Variants in PTPRF observed in about 807,000 individuals in gnomAD.
PTPRF encodes receptor-type tyrosine-protein phosphatase F.
PTPRF carries 59 observed loss-of-function variants against 201.8 expected under a neutral mutation model. The ratio of observed to expected loss-of-function variants is 0.29; its 90% CI spans 0.24 to 0.36. The LOEUF (loss-of-function observed/expected upper bound fraction) is 0.36. PTPRF is among the 10% of genes least tolerant of loss of function. The probability of loss-of-function intolerance (pLI) is 1.00; values close to 1 mark genes in which losing one functional copy is unlikely to be tolerated. For synonymous variants in PTPRF, 1,088 were observed against 1,089.7 expected (o/e 1.00, Z 0.03); for missense variants, 2,132 against 2,690.5 (o/e 0.79, Z 4.59).
At chr1:43,615,224 C>T (rs190141364) in intron 23 of PTPRF, among the ~76,000 whole-genome samples, 2 of 152,362 alleles carry the variant, frequency 1.3e-5, no homozygotes, top group African/African-American at 2.4e-5. Flanking sequence ...CGTGCTGCCT[C>T]TGCCTATAGG....
Position 43,578,792 on chromosome 1 carries a change from C to T in PTPRF, c.569-18C>T, listed in dbSNP as rs548957191. ...TCGACATGGGCCGTGCCTGACCTCT[C>T]GCTTCGTGTACCCACAGGTGCCTTG... On this transcript the variant is annotated intron_variant, in intron 6 of 33. Coordinates refer to ENST00000359947, the MANE Select transcript of PTPRF (RefSeq NM_002840.5). 7 of 1,598,758 alleles carry T rather than the reference C, an allele frequency of 4.4e-6. No individual in the cohort carries two copies. The highest frequency in any genetic ancestry group is 1.7e-4 in the Middle Eastern group (1 of 5,814).
At chr1:43,545,963 G>C (rs752183110) in intron 3 of PTPRF, among the ~76,000 whole-genome samples, 4 of 152,170 alleles carry the variant, frequency 2.6e-5, no homozygotes, top group Non-Finnish European at 4.4e-5. Flanking sequence ...TGGGAGGCGG[G>C]GCACAGGGCA....
chr1:43,565,580 T>C (rs1375588099), intron 5 of PTPRF, among the ~76,000 whole-genome samples: 1 of 152,184 alleles, frequency 6.6e-6, no homozygotes, highest in Non-Finnish European at 1.5e-5. Flanking sequence ...TCTCCTTCCG[T>C]CCAGGGCACC....
intron 5 of PTPRF, among the ~76,000 whole-genome samples, chr1:43,566,483 C>T (rs1458472825): frequency 6.6e-6 from 1 of 152,306 alleles, no homozygotes; most frequent in South Asian, 2.1e-4. Context: ...TGCCCAGGTC[C>T]TCAGCCTGAG....
At chr1:43,590,520 C>G (rs756050030) in intron 8 of PTPRF, among the ~76,000 whole-genome samples, 1 of 152,168 alleles carries the variant, frequency 6.6e-6, no homozygotes, top group Non-Finnish European at 1.5e-5. Flanking sequence ...TCTTTCTATC[C>G]GGGCCAGTCC....
chr1:43,576,170 A>T (rs999227146), intron 6 of PTPRF, among the ~76,000 whole-genome samples: 1 of 152,252 alleles, frequency 6.6e-6, no homozygotes, highest in Non-Finnish European at 1.5e-5. Flanking sequence ...CGCCTAGGAC[A>T]GCAAGCCCTG....
rs545185973 is a variant in PTPRF, at chr1:43,600,332, CAAGAGGTTCGG to C, written c.2313+1423_2313+1433del. ...CACTTCAAGTGCCCCCTTCTGGTCC[CAAGAGGTTCGG>C]AAGGGAGCTGGGCCAGAGGCTCAGG... On this transcript the variant is annotated intron_variant, in intron 13 of 33. Transcript: ENST00000359947. 1.4e-4 allele frequency among the ~76,000 whole-genome samples: 22 copies of C among 152,270 alleles called. No homozygotes were observed. In the South Asian group the frequency reaches 4.6e-3, roughly 32 times the overall value.
At position 43,542,107 on chromosome 1, in the gene PTPRF, C is replaced by T. The variant is rs1644398075; in HGVS notation, c.-45-2924C>T. ...CAGGTGACCCTGGGACCCTGGGACTCTGGGGGCCAAGGTCTACTCTTGAGG... is the reference window on the plus strand; with the variant it reads ...CAGGTGACCCTGGGACCCTGGGACTTTGGGGGCCAAGGTCTACTCTTGAGG... On this transcript the variant is annotated intron_variant, in intron 2 of 33. Coordinates refer to ENST00000359947, the MANE Select transcript of PTPRF (RefSeq NM_002840.5). This position sits in a 1 kb window ranked among gnomAD's most constrained non-coding sequence, Gnocchi z 5.2. 6.6e-6 allele frequency among the ~76,000 whole-genome samples: 1 copy of T among 152,170 alleles called. No individual in the cohort carries two copies. Among genetic ancestry groups the T allele is most frequent in the African/African-American group, 2.4e-5 (1 of 41,442 alleles).
chr1:43,545,775 G>A (rs1390215551), intron 3 of PTPRF, among the ~76,000 whole-genome samples: 1 of 152,152 alleles, frequency 6.6e-6, no homozygotes, highest in African/African-American at 2.4e-5. Context: ...GTGTTTGGCC[G>A]GCAGGAAGCT....
At chr1:43,566,752 G>T (rs891094198) in intron 5 of PTPRF, among the ~76,000 whole-genome samples, 1 of 152,094 alleles carries the variant, frequency 6.6e-6, no homozygotes, top group Non-Finnish European at 1.5e-5. Flanking sequence ...TTCCCTTCCC[G>T]GGTGGCAGAG....
chr1:43,523,417 G>C (rs527290980), upstream of PTPRF, among the ~76,000 whole-genome samples: 1 of 152,266 alleles, frequency 6.6e-6, no homozygotes, highest in South Asian at 2.1e-4. Context: ...CAAGGCATGG[G>C]CGTCGAGGGA....
At chr1:43,618,564 C>T (rs536004067) in intron 25 of PTPRF, 66 bp from the exon 26 acceptor site, 2 of 1,553,952 alleles carry the variant, frequency 1.3e-6, no homozygotes, top group South Asian at 1.2e-5. Flanking sequence ...TGACCAGCCT[C>T]CACCCTGCTT....
rs879660681 is a variant in PTPRF at position 43,578,096 on chromosome 1, C to G, written c.569-714C>G. ...ACCCCGATCCTGGCTCCTGTCTGTC[C>G]GTCTGCGGCCAGAGCAGCCCCTCAG... On this transcript the variant is annotated intron_variant, in intron 6 of 33. Coordinates refer to ENST00000359947, the MANE Select transcript of PTPRF (RefSeq NM_002840.5). Among the ~76,000 whole-genome samples the G allele has an allele frequency of 5.0e-4, 76 of 152,350 alleles. 1 individual carries two copies. Among genetic ancestry groups the G allele is most frequent in the African/African-American group, 1.4e-3 (60 of 41,576 alleles).
chr1:43,579,394 G>A, intron 7 of PTPRF: 1 of 365,360 alleles, frequency 2.7e-6, no homozygotes, highest in Non-Finnish European at 5.4e-6. Flanking sequence ...TAAGGCCTCA[G>A]GAACGGACCA....
intron 22 of PTPRF, among the ~76,000 whole-genome samples, chr1:43,611,308 T>C (rs1656392558): frequency 6.6e-6 from 1 of 152,192 alleles, no homozygotes; most frequent in Non-Finnish European, 1.5e-5. Context: ...GAGAAGCCTC[T>C]TCGGGGATGG....
At chr1:43,555,812 C>A (rs1445275933) in intron 5 of PTPRF, among the ~76,000 whole-genome samples, 1 of 152,158 alleles carries the variant, frequency 6.6e-6, no homozygotes, top group African/African-American at 2.4e-5. Context: ...TTAGCCATTC[C>A]CTTATTGTTG....
chr1:43,527,205 A>G (rs1482161128), upstream of PTPRF, among the ~76,000 whole-genome samples: 3 of 152,198 alleles, frequency 2.0e-5, no homozygotes, highest in Non-Finnish European at 2.9e-5. Flanking sequence ...GGAACACAGC[A>G]GACACACAAT....
intron 11 of PTPRF, among the ~76,000 whole-genome samples, chr1:43,593,853 G>A (rs545781257): frequency 2.0e-3 from 307 of 151,986 alleles, no homozygotes; most frequent in Admixed American, 3.8e-3. Context: ...AGGCGTGGTG[G>A]TGGTTGCCTG....
intron 30 of PTPRF, 52 bp downstream of exon 30, chr1:43,620,273 C>A: frequency 1.2e-6 from 2 of 1,606,416 alleles, no homozygotes; most frequent in Non-Finnish European, 8.5e-7. Context: ...AGAACACCAG[C>A]CACCCTTGGG....
Sources: gnomAD v4.1 joint callset for allele counts (sites outside exome capture counted in the v4.1 genomes callset) on GRCh38, gnomAD v4.1.1 for gene constraint, Gnocchi (gnomAD v3.1) non-coding constraint, MANE v1.5 for transcripts, NCBI Gene and HGNC (gene_info 2026-07-23, HGNC 2026-07-21) for gene names.